The following KCNQ3 variants were observed in gnomAD, a reference collection of about 807,000 sequenced individuals.
The protein encoded by KCNQ3 is potassium voltage-gated channel subfamily KQT member 3.
KCNQ3 carries 30 observed loss-of-function variants against 92.5 expected under a neutral mutation model. The observed-to-expected ratio is 0.32, with a 90% CI of 0.24 to 0.44. The LOEUF is 0.44. Ranked by LOEUF, KCNQ3 falls within the 20% of genes least tolerant of loss-of-function variation. The pLI is 1.00. For synonymous variants in KCNQ3, 450 were observed against 468.8 expected (o/e 0.96, Z 0.52); for missense variants, 913 against 1,140.3 (o/e 0.80, Z 2.87).
intron 1 of KCNQ3, among the ~76,000 whole-genome samples, chr8:132,270,922 C>T (rs890259315): frequency 2.0e-5 from 3 of 152,202 alleles, no homozygotes; most frequent in Admixed American, 2.0e-4. Flanking sequence ...GATTTGTCTG[C>T]AGTCTGCACA....
At chr8:132,148,593 G>A (rs1330972884) in intron 9 of KCNQ3, among the ~76,000 whole-genome samples, 1 of 152,228 alleles carries the variant, frequency 6.6e-6, no homozygotes, top group Non-Finnish European at 1.5e-5. Flanking sequence ...TTCATTTCTG[G>A]ATGTGTCTGT....
chr8:132,374,698 C>T (rs906420920), intron 1 of KCNQ3, among the ~76,000 whole-genome samples: 2 of 152,114 alleles, frequency 1.3e-5, no homozygotes, highest in Non-Finnish European at 2.9e-5. Flanking sequence ...CTCAAGTAGG[C>T]CCCAGCGTCT....
chr8:132,446,020 A>G (rs1374435995), intron 1 of KCNQ3, among the ~76,000 whole-genome samples: 1 of 152,200 alleles, frequency 6.6e-6, no homozygotes, highest in Admixed American at 6.5e-5. Flanking sequence ...AGTGTGCTCC[A>G]TGGGCATTTG....
At chr8:132,466,173 A>C (rs1286483667) in intron 1 of KCNQ3, among the ~76,000 whole-genome samples, 1 of 152,168 alleles carries the variant, frequency 6.6e-6, no homozygotes, top group Non-Finnish European at 1.5e-5. Flanking sequence ...ATATTTACAA[A>C]TACTTTTAAT....
At chr8:132,336,113 C>A (rs923372105) in intron 1 of KCNQ3, among the ~76,000 whole-genome samples, 9 of 152,212 alleles carry the variant, frequency 5.9e-5, no homozygotes, top group African/African-American at 2.2e-4. Flanking sequence ...GAGCTGCCGT[C>A]CTGTTTTCTT....
At chr8:132,148,077 G>A (rs1483374183) in intron 9 of KCNQ3, among the ~76,000 whole-genome samples, 1 of 152,126 alleles carries the variant, frequency 6.6e-6, no homozygotes, top group Non-Finnish European at 1.5e-5. Flanking sequence ...GACTATAAAT[G>A]AAAGTTGCTG....
chr8:132,149,618 T>G (rs1825571926), intron 9 of KCNQ3, among the ~76,000 whole-genome samples: 1 of 152,178 alleles, frequency 6.6e-6, no homozygotes, highest in African/African-American at 2.4e-5. Context: ...GGAACAGTAA[T>G]GACAACTATC....
At chr8:132,470,936 C>T (rs1289263926) in intron 1 of KCNQ3, among the ~76,000 whole-genome samples, 1 of 152,154 alleles carries the variant, frequency 6.6e-6, no homozygotes, top group African/African-American at 2.4e-5. Flanking sequence ...ATTTTAGGCA[C>T]CATTGCAGGT....
rs1490473853 is a variant in KCNQ3 at position 132,174,263 on chromosome 8, G to A, written c.1020C>T (p.Gly340=). The change falls in exon 6 of 15, where the codon GGC becomes GGT. Residue 340 remains glycine (G), a synonymous_variant. Transcript: ENST00000388996. ...RLIAATFSLI[G]VSFFALPAGI... is the part of the protein sequence containing the mutation. ...CCGCTGGAAGGGCAAAAAAGGAGACGCCAATTAAGGAAAAGGTGGCGGCAA... is the reference window on the plus strand; with the variant it reads ...CCGCTGGAAGGGCAAAAAAGGAGACACCAATTAAGGAAAAGGTGGCGGCAA... 5.8e-6 allele frequency: 9 copies of A among 1,551,298 alleles called. No homozygotes were observed. Among genetic ancestry groups the A allele is most frequent in the East Asian group, 2.4e-5 (1 of 40,946 alleles).
At chr8:132,446,469 C>T (rs187280057) in intron 1 of KCNQ3, among the ~76,000 whole-genome samples, 94 of 152,306 alleles carry the variant, frequency 6.2e-4, no homozygotes, top group African/African-American at 2.1e-3. Flanking sequence ...AGCAAACTCC[C>T]TCCTTCCCTG....
intron 1 of KCNQ3, among the ~76,000 whole-genome samples, chr8:132,379,887 CT>C (rs199901844): frequency 0.035 from 4,683 of 133,188 alleles, 174 homozygotes; most frequent in African/African-American, 0.1. Context: ...ATCTTGGCAT[CT>C]TTTTTTTTTT....
At chr8:132,151,318 C>T (rs187417749) in intron 9 of KCNQ3, among the ~76,000 whole-genome samples, 180 of 152,044 alleles carry the variant, frequency 1.2e-3, no homozygotes, top group African/African-American at 4.1e-3. Flanking sequence ...ATGTGCAAGG[C>T]GTGTAAGAAC....
intron 1 of KCNQ3, among the ~76,000 whole-genome samples, chr8:132,316,168 G>A (rs1352358307): frequency 6.6e-6 from 1 of 151,934 alleles, no homozygotes; most frequent in Non-Finnish European, 1.5e-5. Context: ...TGATTAAATG[G>A]GACCCTTTTA....
intron 1 of KCNQ3, among the ~76,000 whole-genome samples, chr8:132,220,213 A>G (rs1171989167): frequency 6.6e-6 from 1 of 152,152 alleles, no homozygotes; most frequent in Admixed American, 6.6e-5. Context: ...AGTTCTTACA[A>G]GCAGTCTGCA....
intron 1 of KCNQ3, among the ~76,000 whole-genome samples, chr8:132,401,860 C>T (rs556105363): frequency 1.3e-5 from 2 of 152,286 alleles, no homozygotes; most frequent in South Asian, 4.1e-4. Flanking sequence ...TGGGGAGGGA[C>T]AGGGGCTAAC....
chr8:132,136,495 T>A (rs1222541061), intron 12 of KCNQ3, among the ~76,000 whole-genome samples: 1 of 152,220 alleles, frequency 6.6e-6, no homozygotes, highest in Non-Finnish European at 1.5e-5. Context: ...GGAGTCATCA[T>A]CTCAGTACAG....
intron 1 of KCNQ3, among the ~76,000 whole-genome samples, chr8:132,248,803 A>C (rs989908854): frequency 1.3e-5 from 2 of 152,182 alleles, no homozygotes; most frequent in Non-Finnish European, 2.9e-5. Context: ...CTTTGTTTAG[A>C]GGCAATAAAG....
chr8:132,158,832 A>T (rs1028796971), intron 9 of KCNQ3, among the ~76,000 whole-genome samples: 3 of 152,218 alleles, frequency 2.0e-5, no homozygotes, highest in Middle Eastern at 3.2e-3. Context: ...TTTGATCCAA[A>T]GAATGATTCT....
chr8:132,300,928 G>A (rs1817195136), intron 1 of KCNQ3, among the ~76,000 whole-genome samples: 1 of 152,102 alleles, frequency 6.6e-6, no homozygotes, highest in South Asian at 2.1e-4. Context: ...GGGTTCACTA[G>A]CATCAAGATG....
Sources: allele counts gnomAD v4.1 joint callset (sites outside exome capture counted in the v4.1 genomes callset), GRCh38; gene constraint gnomAD v4.1.1; transcripts MANE v1.5; gene names NCBI Gene and HGNC (gene_info 2026-07-23, HGNC 2026-07-21).